Variants in NYX observed in about 807,000 individuals in gnomAD.
NYX encodes nyctalopin.
For synonymous variants in NYX, 258 were observed against 245.7 expected, an observed-to-expected ratio of 1.05 and a Z score of -0.47; for missense variants, 481 against 485.4, an observed-to-expected ratio of 0.99 and a Z score of 0.09.
At chrX:41,455,039 C>T (rs2064294200) in intron 2 of NYX, among the ~76,000 whole-genome samples, 1 of 111,818 alleles carries the variant, frequency 8.9e-6, no homozygotes, top group African/African-American at 3.2e-5. Flanking sequence ...ATCTGTCCCC[C>T]ATAACTGTCT....
chrX:41,462,047 G>A lies in NYX; in HGVS notation c.23-11444G>A, dbSNP rs369945518. ...GAACTCCTGACCTCGTGATCCACCCGCCTCGGCCTCCCAAAGTGCTGGGAT... is the reference window on the plus strand; with the variant it reads ...GAACTCCTGACCTCGTGATCCACCCACCTCGGCCTCCCAAAGTGCTGGGAT... On this transcript the variant is annotated intron_variant, in intron 2 of 2. Coordinates refer to ENST00000378220, the MANE Select transcript of NYX (RefSeq NM_001378477.3). Among the ~76,000 whole-genome samples the A allele has an allele frequency of 1.0e-3, 113 of 111,513 alleles. 1 individual carries two copies. Among genetic ancestry groups the A allele is most frequent in the African/African-American group, 3.5e-3 (108 of 30,786 alleles).
chrX:41,466,516 C>T (rs1481835564), intron 2 of NYX, among the ~76,000 whole-genome samples: 1 of 109,958 alleles, frequency 9.1e-6, no homozygotes, highest in Non-Finnish European at 1.9e-5. Flanking sequence ...AGGGTTGCAT[C>T]GACTCTGATT....
intron 2 of NYX, among the ~76,000 whole-genome samples, chrX:41,451,612 C>T (rs952515231): frequency 1.8e-5 from 2 of 110,854 alleles, no homozygotes; most frequent in Non-Finnish European, 3.8e-5. Context: ...CTCCCGGGTT[C>T]ACGTGATTCT....
At chrX:41,463,914 C>T (rs751939903) in intron 2 of NYX, among the ~76,000 whole-genome samples, 2 of 111,706 alleles carry the variant, frequency 1.8e-5, no homozygotes, top group South Asian at 3.7e-4. Flanking sequence ...TTCCATCGCT[C>T]TTTATTCCTT....
chrX:41,471,056 G>A (rs2064357644), intron 2 of NYX, among the ~76,000 whole-genome samples: 1 of 111,837 alleles, frequency 8.9e-6, no homozygotes, highest in Non-Finnish European at 1.9e-5. Flanking sequence ...GAAAAGGCCT[G>A]GAAAATATCT....
Position 41,473,656 on chromosome X carries a change from A to T in NYX, c.188A>T (p.Asp63Val). ...CTCCCGTGCGAGGCGGTCTCCATCG[A>T]CCTGGACCGGAACGGCCTGCGCTTC... ...AELPCEAVSI[D>V]LDRNGLRFLG... The change falls in exon 3 of 3, where the codon GAC (aspartate) becomes GTC (valine). Residue 63 changes from aspartate to valine, a missense_variant. Physicochemically the swap from Asp to Val is radical, Grantham distance 152 (BLOSUM62 -3). Coordinates refer to ENST00000378220, the MANE Select transcript of NYX (RefSeq NM_001378477.3). 9.1e-7 allele frequency: 1 copy of T among 1,102,090 alleles called. No individual in the cohort carries two copies. The highest frequency in any genetic ancestry group is 1.2e-6 in the Non-Finnish European group (1 of 845,774). The allele number at this position is 1,102,090 out of a possible 1,213,427, so 90.8% of individuals were successfully genotyped here.
chrX:41,454,221 A>G (rs1318635917), intron 2 of NYX, among the ~76,000 whole-genome samples: 2 of 110,924 alleles, frequency 1.8e-5, no homozygotes, highest in African/African-American at 6.5e-5. Context: ...ACCATCCTAG[A>G]CTCCAGACTC....
In NYX at chrX:41,471,086, C is replaced by T. The variant is rs1046778133; in HGVS notation, c.23-2405C>T. 8.1e-5 allele frequency among the ~76,000 whole-genome samples: 9 copies of T among 111,745 alleles called. No homozygotes were observed. In the South Asian group the frequency reaches 1.1e-3, roughly 14 times the overall value. On this transcript the variant is annotated intron_variant, in intron 2 of 2. Transcript: ENST00000378220. ...ATATCTCTAGACCAACTCAAAATTACGAACTTTTCCAGAGCTTATATACCT... is the reference window on the plus strand; with the variant it reads ...ATATCTCTAGACCAACTCAAAATTATGAACTTTTCCAGAGCTTATATACCT...
intron 2 of NYX, among the ~76,000 whole-genome samples, chrX:41,466,787 CTTTTTTTTTTTTT>C (rs747247175): frequency 4.9e-5 from 1 of 20,498 alleles, no homozygotes; most frequent in African/African-American, 2.0e-4. Flanking sequence ...CCAGACTGGT[CTTTTTTTTTTTTT>C]TTTTTTTTTT....
rs575127247 is a variant in NYX, at chrX:41,461,496, C to T, written c.23-11995C>T. Among the ~76,000 whole-genome samples the T allele has an allele frequency of 6.4e-5, 7 of 109,164 alleles. No individual in the cohort carries two copies. In the South Asian group the frequency reaches 2.7e-3, roughly 43 times the overall value. The allele number at this position is 109,164 out of a possible 115,157, so 94.8% of individuals were successfully genotyped here. Reference sequence around the variant, plus strand: ...TGCGAATTGTGCTGCTATAAACGTGCGTGCAAGGATCTTTTTCATATAATG... The same window carrying T: ...TGCGAATTGTGCTGCTATAAACGTGTGTGCAAGGATCTTTTTCATATAATG... On this transcript the variant is annotated intron_variant, in intron 2 of 2. Transcript: ENST00000378220.
At chrX:41,473,250 G>A (rs903433089) in intron 2 of NYX, among the ~76,000 whole-genome samples, 3 of 111,229 alleles carry the variant, frequency 2.7e-5, no homozygotes, top group African/African-American at 9.8e-5. Flanking sequence ...AGGGATTGCA[G>A]CTGGGTTTTG....
At chrX:41,473,388 G>C in intron 2 of NYX, 103 bp from the exon 3 acceptor site, 1 of 851,377 alleles carries the variant, frequency 1.2e-6, no homozygotes, top group Non-Finnish European at 1.4e-6. Context: ...GCATCCTGCT[G>C]CCCGGACAGG....
intron 2 of NYX, among the ~76,000 whole-genome samples, chrX:41,463,038 A>C (rs1450281556): frequency 3.6e-5 from 4 of 110,833 alleles, no homozygotes; most frequent in Non-Finnish European, 7.6e-5. Context: ...TTGTCCCAAG[A>C]AATCTTCACC....
At position 41,473,524 on chromosome X, in the gene NYX, TG is replaced by T. The variant is rs1398930845; in HGVS notation, c.61del (p.Ala21ProfsTer115). Reference protein sequence around the residue: ...VVLGLPSAWAVGACARACPAA... With the variant: ...VVLGLPSAWAXGACARACPAA... ...CTCGGCCTGCCCAGCGCCTGGGCCG[TG>T]GGGGCCTGCGCCCGCGCTTGTCCCG... On this transcript the variant is annotated frameshift_variant, in exon 3 of 3. Coordinates refer to ENST00000378220, the MANE Select transcript of NYX (RefSeq NM_001378477.3). LOFTEE classifies it low-confidence loss of function (END_TRUNC). 1.0e-6 allele frequency: 1 copy of T among 993,823 alleles called. No homozygotes were observed. The highest frequency in any genetic ancestry group is 1.3e-6 in the Non-Finnish European group (1 of 786,408). The allele number at this position is 993,823 out of a possible 1,213,427, so 81.9% of individuals were successfully genotyped here. A position where few individuals can be genotyped will look rare whatever the true frequency, so the allele number is the denominator to read the frequency against.
At chrX:41,470,735 CTTTT>C (rs1214116660) in intron 2 of NYX, among the ~76,000 whole-genome samples, 1 of 106,109 alleles carries the variant, frequency 9.4e-6, no homozygotes, top group Non-Finnish European at 1.9e-5. Context: ...GTATTTTACT[CTTTT>C]TAAGTCTTTG....
chrX:41,458,197 G>A (rs1343054715), intron 2 of NYX, among the ~76,000 whole-genome samples: 1 of 111,635 alleles, frequency 9.0e-6, no homozygotes, highest in Non-Finnish European at 1.9e-5. Context: ...ACTGCAGTGG[G>A]GTTTAAGTCT....
At chrX:41,461,382 C>CATATATATATAT (rs60185443) in intron 2 of NYX, among the ~76,000 whole-genome samples, 10 of 101,536 alleles carry the variant, frequency 9.8e-5, no homozygotes, top group African/African-American at 3.7e-4. Context: ...AATATTCCGT[C>CATATATATATAT]ATATATATAT....
In NYX at chrX:41,475,006, A is replaced by G. The variant is rs187741852; in HGVS notation, c.*107A>G. The G allele has an allele frequency of 1.3e-6, 1 of 753,546 alleles. No individual in the cohort carries two copies. Among genetic ancestry groups the G allele is most frequent in the Admixed American group, 2.6e-5 (1 of 37,849 alleles). 62.1% of individuals were successfully genotyped at this position (753,546 alleles called of 1,213,427 possible). A position where few individuals can be genotyped will look rare whatever the true frequency, so the allele number is the denominator to read the frequency against. Reference sequence around the variant, plus strand: ...AGGTGAAAATCCCAGTGGAGGGTGGAAGGAACCGTTTGCCTCCAGAGATGG... The same window carrying G: ...AGGTGAAAATCCCAGTGGAGGGTGGGAGGAACCGTTTGCCTCCAGAGATGG... On this transcript the variant is annotated 3_prime_UTR_variant, in exon 3 of 3. Transcript: ENST00000378220.
At chrX:41,447,982 G>A in intron 2 of NYX, 56 bp downstream of exon 2, 1 of 1,138,085 alleles carries the variant, frequency 8.8e-7, no homozygotes. Context: ...AAGCCACAGA[G>A]CTTCTGCCCA....
Sources: allele counts gnomAD v4.1 joint callset (sites outside exome capture counted in the v4.1 genomes callset), GRCh38; gene constraint gnomAD v4.1.1; transcripts MANE v1.5; gene names NCBI Gene and HGNC (gene_info 2026-07-23, HGNC 2026-07-21).